DHX29: variants seen among roughly 807,000 people sequenced by gnomAD.
DHX29 encodes the protein DExH-box helicase 29.
Under a neutral mutation model 167.9 loss-of-function variants are expected in DHX29, and 79 were observed. The ratio of observed to expected loss-of-function variants is 0.47; its 90% CI spans 0.39 to 0.57. The LOEUF is 0.57. Among genes scored for constraint, DHX29 ranks in the 20% least tolerant of loss-of-function variants. The pLI is 0.00. For synonymous variants in DHX29, 530 were observed against 546.0 expected (o/e 0.97, Z 0.41); for missense variants, 1,347 against 1,593.4 (o/e 0.85, Z 2.63).
chr5:55,277,150 G>A lies in DHX29; in HGVS notation c.2242C>T (p.His748Tyr), dbSNP rs1249406294. The A allele has an allele frequency of 1.9e-6, 3 of 1,613,056 alleles. No homozygotes were observed. Among genetic ancestry groups the A allele is most frequent in the Non-Finnish European group, 8.5e-7 (1 of 1,179,398 alleles). ...CCTGAAATTCTGAGAATGGGGCAGT[G>A]TGTGAAATATGTAGAAAATTTTTCG... Reference protein sequence around the residue: ...DSEKFSTYFTHCPILRISGRS... With the variant: ...DSEKFSTYFTYCPILRISGRS... The change falls in exon 13 of 27, where the codon CAC becomes TAC. Residue 748 changes from histidine (H) to tyrosine (Y), a missense_variant. By Grantham distance (83) the His-to-Tyr change is moderately conservative (BLOSUM62 2). This residue lies in a region of DHX29 where 882 missense variants were observed against 1,082.4 expected (regional missense o/e 0.81). Transcript: ENST00000251636.
rs185366806 is a variant in DHX29 at position 55,297,214 on chromosome 5, T to C, written c.375+71A>G. On this transcript the variant is annotated intron_variant, in intron 3 of 26. Transcript: ENST00000251636. ...CTCAATGGAAGTTGTAAAGCCATTT[T>C]TATCTCACATGAGGAGCTGTCTAAA... 75 of 700,776 alleles carry C rather than the reference T, an allele frequency of 1.1e-4. No homozygotes were observed. The African/African-American group carries it at 1.3e-3, about 12-fold the overall frequency. The allele number at this position is 700,776 out of a possible 1,614,324, so 43.4% of individuals were successfully genotyped here.
chr5:55,297,344 T>C lies in DHX29; in HGVS notation c.316A>G (p.Lys106Glu). ...ATTCCTTTGTCATTATTTTGCTTTTTATGCTCATTGATCACTCCAATAATT... is the reference window on the plus strand; with the variant it reads ...ATTCCTTTGTCATTATTTTGCTTTTCATGCTCATTGATCACTCCAATAATT... Reference protein sequence around the residue: ...QRIIGVINEHKKQNNDKGMIS... With the variant: ...QRIIGVINEHEKQNNDKGMIS... The change falls in exon 3 of 27, where the codon AAA becomes GAA. Residue 106 changes from lysine (K) to glutamate (E), a missense_variant. By Grantham distance (56) the Lys-to-Glu change is moderately conservative. This residue lies in a region of DHX29 where 405 missense variants were observed against 416.8 expected (regional missense o/e 0.97). Coordinates refer to ENST00000251636, the MANE Select transcript of DHX29 (RefSeq NM_019030.4). The C allele has an allele frequency of 6.3e-7, 1 of 1,598,578 alleles. No individual in the cohort carries two copies. The highest frequency in any genetic ancestry group is 1.3e-5 in the African/African-American group (1 of 74,720).
chr5:55,265,108 CAAAG>C (rs1746494093), intron 23 of DHX29, among the ~76,000 whole-genome samples: 1 of 108,104 alleles, frequency 9.3e-6, no homozygotes. Flanking sequence ...AAAAAAAAAA[CAAAG>C]ATGAAGCTGA....
chr5:55,281,240 C>A lies in DHX29; in HGVS notation c.2109+132G>T, dbSNP rs990494029. 22 of 684,684 alleles carry A rather than the reference C, an allele frequency of 3.2e-5. No homozygotes were observed. In the African/African-American group the frequency reaches 4.2e-4, roughly 13 times the overall value. 42.4% of individuals were successfully genotyped at this position (684,684 alleles called of 1,614,324 possible). A position where few individuals can be genotyped will look rare whatever the true frequency, so the allele number is the denominator to read the frequency against. On this transcript the variant is annotated intron_variant, in intron 12 of 26. Coordinates refer to ENST00000251636, the MANE Select transcript of DHX29 (RefSeq NM_019030.4). ...CAACTAACAGGAGATACATTTGTTA[C>A]AAGAAATTATTATATATAAGGTATA...
At chr5:55,265,497 T>C (rs1427639421) in intron 23 of DHX29, among the ~76,000 whole-genome samples, 1 of 152,066 alleles carries the variant, frequency 6.6e-6, no homozygotes, top group Non-Finnish European at 1.5e-5. Flanking sequence ...CAATCAGCCA[T>C]ATCCAGAATG....
chr5:55,282,861 T>A (rs921955629), intron 11 of DHX29, among the ~76,000 whole-genome samples: 8 of 152,194 alleles, frequency 5.3e-5, no homozygotes, highest in Non-Finnish European at 1.2e-4. Context: ...CAGAAAAGGT[T>A]TGCAAAAACT....
rs372744094 is a variant in DHX29, at chr5:55,257,787, T to C, written c.4058-1247A>G. Reference sequence around the variant, plus strand: ...AACTTGGTAAGTTCTGCTCTCTCTCTTATGGCAAAGGGAAACACTGATATC... The same window carrying C: ...AACTTGGTAAGTTCTGCTCTCTCTCCTATGGCAAAGGGAAACACTGATATC... On this transcript the variant is annotated intron_variant, in intron 26 of 26. Coordinates refer to ENST00000251636, the MANE Select transcript of DHX29 (RefSeq NM_019030.4). 1.2e-4 allele frequency among the ~76,000 whole-genome samples: 18 copies of C among 152,342 alleles called. No individual in the cohort carries two copies. In the East Asian group the frequency reaches 3.3e-3, roughly 28 times the overall value.
Position 55,269,394 on chromosome 5 carries a change from G to A in DHX29, c.3294+19C>T, listed in dbSNP as rs1327497886. ...AAAGGATATTTAAAGTAAAGAAGCA[G>A]CAGCATTGTTTGACTTACCACTGGG... On this transcript the variant is annotated intron_variant, in intron 21 of 26. Coordinates refer to ENST00000251636, the MANE Select transcript of DHX29 (RefSeq NM_019030.4). 2.5e-6 allele frequency: 4 copies of A among 1,605,006 alleles called. No homozygotes were observed. In the African/African-American group the frequency reaches 4.0e-5, roughly 16 times the overall value.
chr5:55,307,454 C>G lies in DHX29; in HGVS notation c.120G>C (p.Lys40Asn). ...CAGCGGTGGCCGGCCTGGACACTGG[C>G]TTCTTGCTTTGGGCCTCCCCGGCAA... ...AGIAGEAQSK[K>N]PVSRPATAAA... The change falls in exon 1 of 27, where the codon AAG becomes AAC. Residue 40 changes from lysine to asparagine, a missense_variant. Transcript: ENST00000251636. The G allele has an allele frequency of 6.2e-7, 1 of 1,613,440 alleles. No homozygotes were observed. Among genetic ancestry groups the G allele is most frequent in the Non-Finnish European group, 8.5e-7 (1 of 1,179,948 alleles).
intron 26 of DHX29, among the ~76,000 whole-genome samples, chr5:55,256,826 T>C (rs1358772279): frequency 1.3e-5 from 2 of 152,224 alleles, no homozygotes; most frequent in Non-Finnish European, 2.9e-5. Flanking sequence ...GAAATGTTAC[T>C]TCTTTATAAG....
At chr5:55,296,767 C>T (rs1489442026) in intron 3 of DHX29, among the ~76,000 whole-genome samples, 1 of 152,036 alleles carries the variant, frequency 6.6e-6, no homozygotes, top group Non-Finnish European at 1.5e-5. Flanking sequence ...TGGCTGAACA[C>T]TTAGGACATA....
chr5:55,276,518 A>G, intron 13 of DHX29, 112 bp from the exon 14 acceptor site: 1 of 859,472 alleles, frequency 1.2e-6, no homozygotes, highest in Non-Finnish European at 1.7e-6. Flanking sequence ...TTAATTTAGA[A>G]TATTATGAAA....
chr5:55,279,441 G>A (rs1319802435), intron 12 of DHX29: 1 of 152,168 alleles, frequency 6.6e-6, no homozygotes, highest in African/African-American at 2.4e-5. Flanking sequence ...GCTCAGAAAG[G>A]AAATCTAATG....
intron 4 of DHX29, 96 bp downstream of exon 4, chr5:55,296,124 A>G: frequency 7.9e-7 from 1 of 1,273,030 alleles, no homozygotes; most frequent in African/African-American, 1.5e-5. Flanking sequence ...TAATTATGAC[A>G]GTGAAAAAAT....
intron 25 of DHX29, 93 bp downstream of exon 25, chr5:55,261,275 T>C: frequency 1.7e-6 from 1 of 604,050 alleles, no homozygotes; most frequent in East Asian, 2.8e-5. Flanking sequence ...AAGAAGAAAT[T>C]ATGCAAACTC....
rs143367081 is a variant in DHX29 at position 55,283,608 on chromosome 5, G to A, written c.1560C>T (p.Pro520=). Residue 520 remains proline, a synonymous_variant, in exon 11 of 27, where the codon CCC becomes CCT. Coordinates refer to ENST00000251636, the MANE Select transcript of DHX29 (RefSeq NM_019030.4). The part of the protein sequence containing the change: ...SENKRENSED[P]EESWENLVSD... ...AAACTAAATTTTCCCAAGATTCCTC[G>A]GGATCTTCAGAGTTTTCTCTCTTAT... The A allele has an allele frequency of 6.0e-4, 972 of 1,613,986 alleles. 3 individuals are homozygous for A. In the African/African-American group the frequency reaches 7.7e-3, roughly 13 times the overall value.
chr5:55,265,828 G>A (rs1055213042), intron 23 of DHX29, among the ~76,000 whole-genome samples: 1 of 152,148 alleles, frequency 6.6e-6, no homozygotes, highest in Non-Finnish European at 1.5e-5. Context: ...GCAGATAGTA[G>A]AATAAAAGGA....
At chr5:55,264,230 C>T (rs893005290) in intron 23 of DHX29, among the ~76,000 whole-genome samples, 1 of 152,154 alleles carries the variant, frequency 6.6e-6, no homozygotes, top group African/African-American at 2.4e-5. Flanking sequence ...GGGAGCCCTG[C>T]TTTTCACATT....
At chr5:55,301,565 TAGCC>T (rs1051343811) in intron 1 of DHX29, among the ~76,000 whole-genome samples, 11 of 151,122 alleles carry the variant, frequency 7.3e-5, no homozygotes, top group Non-Finnish European at 1.6e-4. Context: ...AATACAAAAT[TAGCC>T]AGGCGTGGTG....
Sources: allele counts gnomAD v4.1 joint callset (sites outside exome capture counted in the v4.1 genomes callset), GRCh38; gene constraint gnomAD v4.1.1; regional missense constraint gnomAD v4.1.1; transcripts MANE v1.5; gene names NCBI Gene and HGNC (gene_info 2026-07-23, HGNC 2026-07-21).